PALS1: variants seen among roughly 807,000 people sequenced by gnomAD.
The protein encoded by PALS1 is protein PALS1.
PALS1 carries 31 observed loss-of-function variants against 78.9 expected under a neutral mutation model. That is an observed-to-expected ratio of 0.39 (90% CI 0.30 to 0.53). The LOEUF (loss-of-function observed/expected upper bound fraction) is 0.53, where lower values mean the gene tolerates loss of function less well. Ranked by LOEUF, PALS1 falls within the 20% of genes least tolerant of loss-of-function variation. The probability of loss-of-function intolerance (pLI) is 0.67; values close to 1 mark genes in which losing one functional copy is unlikely to be tolerated. For synonymous variants in PALS1, 276 were observed against 270.9 expected (o/e 1.02, Z -0.18); for missense variants, 704 against 826.5 (o/e 0.85, Z 1.82).
intron 6 of PALS1, 119 bp from the exon 7 acceptor site, chr14:67,302,291 T>A (rs1339051092): frequency 3.8e-5 from 41 of 1,081,290 alleles, no homozygotes; most frequent in Non-Finnish European, 5.0e-5. Flanking sequence ...GTAAATAAAT[T>A]TTTTCTTAAG....
chr14:67,300,176 A>T (rs1475040838), intron 4 of PALS1, among the ~76,000 whole-genome samples: 1 of 152,154 alleles, frequency 6.6e-6, no homozygotes, highest in East Asian at 1.9e-4. Context: ...CTGAGGACAG[A>T]CTGGTTTTGG....
In PALS1 at chr14:67,321,011, C is replaced by T. The variant is rs149895746; in HGVS notation, c.1538-46C>T. On this transcript the variant is annotated intron_variant, in intron 12 of 14. Transcript: ENST00000261681. Reference sequence around the variant, plus strand: ...GACTAGCAGAATTATCCCCTGTCCTCACTCTAAGCCATGCCTGTTATTTCT... The same window carrying T: ...GACTAGCAGAATTATCCCCTGTCCTTACTCTAAGCCATGCCTGTTATTTCT... The T allele has an allele frequency of 5.1e-4, 777 of 1,515,290 alleles. 8 individuals are homozygous for T. The East Asian group carries it at 0.014, about 27-fold the overall frequency. 93.9% of individuals were successfully genotyped at this position (1,515,290 alleles called of 1,614,324 possible). A position where few individuals can be genotyped will look rare whatever the true frequency, so the allele number is the denominator to read the frequency against.
At chr14:67,283,599 AT>A (rs931258431) in intron 3 of PALS1, among the ~76,000 whole-genome samples, 4 of 151,750 alleles carry the variant, frequency 2.6e-5, no homozygotes, top group South Asian at 4.2e-4. Flanking sequence ...CCTTCAGGGA[AT>A]TTTTTTTTAT....
chr14:67,304,238 T>C (rs2084969029), intron 8 of PALS1, among the ~76,000 whole-genome samples: 1 of 152,194 alleles, frequency 6.6e-6, no homozygotes, highest in Non-Finnish European at 1.5e-5. Flanking sequence ...TTTACTCAGC[T>C]AGATCTGTTA....
intron 1 of PALS1, among the ~76,000 whole-genome samples, chr14:67,262,423 TCCC>T (rs1224573412): frequency 6.6e-6 from 1 of 152,184 alleles, no homozygotes; most frequent in Non-Finnish European, 1.5e-5. Flanking sequence ...TCCATAATTC[TCCC>T]AGACTCAGTT....
intron 11 of PALS1, among the ~76,000 whole-genome samples, chr14:67,319,352 A>T (rs1464442991): frequency 6.6e-6 from 1 of 152,210 alleles, no homozygotes; most frequent in Non-Finnish European, 1.5e-5. Context: ...CTCTGGTTTC[A>T]TCTGGATTAT....
chr14:67,308,121 T>A (rs1196706482), intron 8 of PALS1, among the ~76,000 whole-genome samples: 1 of 151,838 alleles, frequency 6.6e-6, no homozygotes, highest in Non-Finnish European at 1.5e-5. Context: ...GAAAAGTAAC[T>A]AATGGGTACT....
chr14:67,280,276 T>G (rs2084583594), intron 3 of PALS1, among the ~76,000 whole-genome samples: 1 of 152,248 alleles, frequency 6.6e-6, no homozygotes, highest in African/African-American at 2.4e-5. Context: ...CTGCCTGCCC[T>G]TCTTGCACGT....
intron 2 of PALS1, among the ~76,000 whole-genome samples, chr14:67,272,573 C>G (rs1379550436): frequency 6.6e-6 from 1 of 152,124 alleles, no homozygotes; most frequent in Non-Finnish European, 1.5e-5. Context: ...ACTTCTTTCT[C>G]CTCCTCCTCC....
At position 67,267,297 on chromosome 14, in the gene PALS1, C is replaced by T. The variant is rs939468675; in HGVS notation, c.-236-2404C>T. Among the ~76,000 whole-genome samples, 6 of 151,984 alleles carry T rather than the reference C, an allele frequency of 3.9e-5. No homozygotes were observed. In the East Asian group the frequency reaches 5.8e-4, roughly 15 times the overall value. ...TAATGAGACGGAATTTCACTCTTGT[C>T]GCCCAGGCTGGAGTGCAATGGTGCA... On this transcript the variant is annotated intron_variant, in intron 1 of 14. Transcript: ENST00000261681.
In PALS1 at chr14:67,302,015, A is replaced by C. The variant is rs1308536468; in HGVS notation, c.698A>C (p.Gln233Pro). 1 of 1,609,958 alleles carries C rather than the reference A, an allele frequency of 6.2e-7. No homozygotes were observed. The highest frequency in any genetic ancestry group is 8.5e-7 in the Non-Finnish European group (1 of 1,178,206). Residue 233 changes from glutamine to proline, a missense_variant, in exon 6 of 15, where the codon CAG becomes CCG. By Grantham distance (76) the Gln-to-Pro change is moderately conservative. Transcript: ENST00000261681. ...GATAAGGTTGCTGAGCAGGAAATGC[A>C]GCTAGAGCCCATTACAGATGAGAGA... ...AHDKVAEQEM[Q>P]LEPITDERVY...
At chr14:67,257,056 G>A (rs1229698956) in intron 1 of PALS1, among the ~76,000 whole-genome samples, 1 of 152,088 alleles carries the variant, frequency 6.6e-6, no homozygotes, top group Non-Finnish European at 1.5e-5. Flanking sequence ...ACATCAATAT[G>A]TACGTTGGTT....
chr14:67,257,107 G>A (rs551379722), intron 1 of PALS1, among the ~76,000 whole-genome samples: 2 of 152,250 alleles, frequency 1.3e-5, no homozygotes, highest in African/African-American at 4.8e-5. Context: ...GGGGCTTTCA[G>A]TTGATAAGAG....
intron 8 of PALS1, among the ~76,000 whole-genome samples, chr14:67,310,006 G>A (rs1211836956): frequency 6.7e-6 from 1 of 148,594 alleles, no homozygotes; most frequent in Non-Finnish European, 1.5e-5. Context: ...TTTTTTTTTG[G>A]CAAAAAAGTA....
intron 1 of PALS1, among the ~76,000 whole-genome samples, chr14:67,268,819 C>T (rs1183403534): frequency 2.0e-5 from 3 of 152,168 alleles, no homozygotes; most frequent in African/African-American, 7.2e-5. Flanking sequence ...AATGCCTAAC[C>T]TCCTGGGAAT....
chr14:67,263,536 A>G (rs991919545), intron 1 of PALS1, among the ~76,000 whole-genome samples: 13 of 152,252 alleles, frequency 8.5e-5, no homozygotes, highest in Admixed American at 5.9e-4. Context: ...TAATCTTTAA[A>G]GATTTTCCCT....
chr14:67,276,556 G>T (rs1360283961), intron 2 of PALS1, among the ~76,000 whole-genome samples: 1 of 152,150 alleles, frequency 6.6e-6, no homozygotes, highest in Non-Finnish European at 1.5e-5. Flanking sequence ...CTTATGATAT[G>T]TATTAGGCTA....
At chr14:67,263,409 A>G (rs894582514) in intron 1 of PALS1, among the ~76,000 whole-genome samples, 6 of 152,212 alleles carry the variant, frequency 3.9e-5, no homozygotes, top group African/African-American at 1.2e-4. Context: ...AGAAGAGACT[A>G]TTAGGTATTT....
At chr14:67,313,193 C>T (rs971571675) in intron 9 of PALS1, among the ~76,000 whole-genome samples, 9 of 152,106 alleles carry the variant, frequency 5.9e-5, no homozygotes, top group Admixed American at 2.6e-4. Context: ...TTAGACTAAA[C>T]TAAAACTTTA....
Sources: allele counts gnomAD v4.1 joint callset (sites outside exome capture counted in the v4.1 genomes callset), GRCh38; gene constraint gnomAD v4.1.1; transcripts MANE v1.5; gene names NCBI Gene and HGNC (gene_info 2026-07-23, HGNC 2026-07-21).